Variants in MSRA observed in about 807,000 individuals in gnomAD.
The protein encoded by MSRA is methionine sulfoxide reductase A.
Under a neutral mutation model 31.3 loss-of-function variants are expected in MSRA, and 54 were observed. The ratio of observed to expected loss-of-function variants is 1.73; its 90% CI spans 1.39 to 2.17. The LOEUF is 2.17. Among genes scored for constraint, MSRA ranks in the 30% most tolerant of loss-of-function variants. The probability of loss-of-function intolerance (pLI) is 0.00; values close to 1 mark genes in which losing one functional copy is unlikely to be tolerated. For synonymous variants in MSRA, 169 were observed against 116.5 expected (o/e 1.45, Z -2.90); for missense variants, 507 against 300.9 (o/e 1.69, Z -5.07).
chr8:10,181,713 T>G (rs1278503798), intron 1 of MSRA, among the ~76,000 whole-genome samples: 6 of 152,120 alleles, frequency 3.9e-5, no homozygotes, highest in Non-Finnish European at 7.4e-5. Context: ...ACTTGCTGGG[T>G]CATGATGGAG....
At chr8:10,288,541 T>G (rs1800059191) in intron 3 of MSRA, among the ~76,000 whole-genome samples, 1 of 152,188 alleles carries the variant, frequency 6.6e-6, no homozygotes, top group Non-Finnish European at 1.5e-5. Flanking sequence ...GACTGATTTT[T>G]TTTGGGGGGC....
At chr8:10,318,217 T>A (rs571370391) in intron 4 of MSRA, among the ~76,000 whole-genome samples, 11 of 152,376 alleles carry the variant, frequency 7.2e-5, no homozygotes, top group African/African-American at 2.6e-4. Flanking sequence ...TTACCTGCTA[T>A]GTGACCTCAG....
intron 1 of MSRA, among the ~76,000 whole-genome samples, chr8:10,131,018 A>G (rs1489787395): frequency 1.3e-5 from 2 of 152,238 alleles, no homozygotes; most frequent in Non-Finnish European, 2.9e-5. Context: ...GAGCAAGCTC[A>G]GCTTGTTTTT....
intron 4 of MSRA, among the ~76,000 whole-genome samples, chr8:10,302,397 T>C (rs1800895750): frequency 6.6e-6 from 1 of 152,264 alleles, no homozygotes; most frequent in African/African-American, 2.4e-5. Flanking sequence ...ATGCAATAGA[T>C]GTGGTTTTTC....
Position 10,225,517 on chromosome 8 carries a change from C to A in MSRA, c.211+17616C>A, listed in dbSNP as rs181472825. ...ATTGTCGATAGAAGTGGGAAAAATT[C>A]TTTTTATTCATAAATTTAATTTGCC... On this transcript the variant is annotated intron_variant, in intron 2 of 5. Transcript: ENST00000317173. Among the ~76,000 whole-genome samples, 636 of 152,214 alleles carry A rather than the reference C, an allele frequency of 4.2e-3. 6 individuals carry two copies. Among genetic ancestry groups the A allele is most frequent in the Non-Finnish European group, 7.4e-3 (504 of 68,008 alleles).
At chr8:10,346,967 C>T (rs1803818240) in intron 5 of MSRA, among the ~76,000 whole-genome samples, 1 of 152,144 alleles carries the variant, frequency 6.6e-6, no homozygotes, top group African/African-American at 2.4e-5. Context: ...TCTCACCATT[C>T]CCCCAACTGA....
At chr8:10,229,805 T>G (rs1811311669) in intron 2 of MSRA, among the ~76,000 whole-genome samples, 2 of 152,200 alleles carry the variant, frequency 1.3e-5, no homozygotes, top group African/African-American at 2.4e-5. Flanking sequence ...TCAACACTTC[T>G]GAATCCACGT....
At chr8:10,313,171 C>T (rs918099661) in intron 4 of MSRA, among the ~76,000 whole-genome samples, 14 of 152,154 alleles carry the variant, frequency 9.2e-5, no homozygotes, top group African/African-American at 3.4e-4. Context: ...ATGCTGCTTC[C>T]AGACCTGGCT....
chr8:10,326,472 G>C (rs1802368956), intron 5 of MSRA: 1 of 152,202 alleles, frequency 6.6e-6, no homozygotes, highest in Non-Finnish European at 1.5e-5. Context: ...CAGATTAAAA[G>C]AGGCAGGAAA....
At chr8:10,379,068 A>C (rs558572554) in intron 5 of MSRA, among the ~76,000 whole-genome samples, 15 of 152,002 alleles carry the variant, frequency 9.9e-5, no homozygotes, top group African/African-American at 3.6e-4. Flanking sequence ...CGTCTTTTCC[A>C]TTGCTTCATA....
chr8:10,423,634 G>A (rs1440364034), intron 5 of MSRA, among the ~76,000 whole-genome samples: 1 of 152,158 alleles, frequency 6.6e-6, no homozygotes, highest in Non-Finnish European at 1.5e-5. Flanking sequence ...GGCTTTTTCA[G>A]GAGCCGTGGA....
At chr8:10,196,618 C>T (rs1013597120) in intron 1 of MSRA, among the ~76,000 whole-genome samples, 2 of 152,210 alleles carry the variant, frequency 1.3e-5, no homozygotes, top group African/African-American at 4.8e-5. Context: ...GGTGCAATCT[C>T]GACTCATCGC....
intron 1 of MSRA, chr8:10,096,144 A>G: frequency 8.1e-7 from 1 of 1,241,592 alleles, no homozygotes; most frequent in East Asian, 2.9e-5. Flanking sequence ...CCAGGAAGTC[A>G]GAGTAAAAGT....
At chr8:10,400,314 CAGAG>C (rs1344278549) in intron 5 of MSRA, among the ~76,000 whole-genome samples, 4 of 150,846 alleles carry the variant, frequency 2.7e-5, no homozygotes, top group Admixed American at 6.6e-5. Context: ...AAAAATAAAT[CAGAG>C]AGAAGGTCAG....
chr8:10,101,287 C>T (rs1026754158), intron 1 of MSRA, among the ~76,000 whole-genome samples: 15 of 152,090 alleles, frequency 9.9e-5, no homozygotes, highest in African/African-American at 3.1e-4. Context: ...GAGCTCTTAG[C>T]ATAGTGTCTG....
intron 1 of MSRA, among the ~76,000 whole-genome samples, chr8:10,150,179 G>A (rs1170747853): frequency 6.6e-6 from 1 of 151,970 alleles, no homozygotes; most frequent in South Asian, 2.1e-4. Context: ...ACAGTGCCTC[G>A]TGGCTTCTAG....
intron 5 of MSRA, among the ~76,000 whole-genome samples, chr8:10,395,380 G>T (rs1466736527): frequency 1.3e-5 from 2 of 152,182 alleles, no homozygotes; most frequent in African/African-American, 2.4e-5. Context: ...GGGATTATAG[G>T]ATGTGTGTAG....
At chr8:10,297,082 C>T (rs1411973274) in intron 3 of MSRA, among the ~76,000 whole-genome samples, 4 of 152,142 alleles carry the variant, frequency 2.6e-5, no homozygotes, top group African/African-American at 4.8e-5. Context: ...TGACTTATCT[C>T]GGGGTTCTCT....
chr8:10,364,843 A>C (rs942321415), intron 5 of MSRA, among the ~76,000 whole-genome samples: 2 of 152,196 alleles, frequency 1.3e-5, no homozygotes, highest in African/African-American at 4.8e-5. Flanking sequence ...GGATGTAGAA[A>C]CATTGGAGTT....
Sources: allele counts gnomAD v4.1 joint callset (sites outside exome capture counted in the v4.1 genomes callset), GRCh38; gene constraint gnomAD v4.1.1; transcripts MANE v1.5; gene names NCBI Gene and HGNC (gene_info 2026-07-23, HGNC 2026-07-21).